Variants in PAM observed in about 807,000 individuals in gnomAD.
The protein encoded by PAM is peptidylglycine alpha-amidating monooxygenase, also known as peptidyl-glycine alpha-amidating monooxygenase.
Under a neutral mutation model 122.1 loss-of-function variants are expected in PAM, and 72 were observed. That is an observed-to-expected ratio of 0.59 (90% CI 0.49 to 0.72). The LOEUF (loss-of-function observed/expected upper bound fraction) is 0.72, where lower values mean the gene tolerates loss of function less well. Ranked by LOEUF, PAM falls within the 30% of genes least tolerant of loss-of-function variation. The pLI is 0.00. For synonymous variants in PAM, 389 were observed against 404.4 expected, an observed-to-expected ratio of 0.96 and a Z score of 0.46; for missense variants, 1,106 against 1,183.7, an observed-to-expected ratio of 0.93 and a Z score of 0.96.
At chr5:102,896,942 A>C (rs2151342942) in intron 3 of PAM, among the ~76,000 whole-genome samples, 1 of 151,782 alleles carries the variant, frequency 6.6e-6, no homozygotes, top group East Asian at 2.0e-4. Context: ...TGGAGAGTAC[A>C]AACACCACGG....
At chr5:102,846,211 C>A (rs1245414102) in intron 1 of PAM, among the ~76,000 whole-genome samples, 1 of 152,150 alleles carries the variant, frequency 6.6e-6, no homozygotes, top group Admixed American at 6.5e-5. Flanking sequence ...CTCCAGTTTG[C>A]CCCCAACTTC....
At chr5:102,937,843 A>G (rs867252328) in intron 7 of PAM, among the ~76,000 whole-genome samples, 4 of 152,172 alleles carry the variant, frequency 2.6e-5, no homozygotes, top group Non-Finnish European at 4.4e-5. Context: ...ACTGTTTTTA[A>G]AAGTCTTTTG....
intron 7 of PAM, among the ~76,000 whole-genome samples, chr5:102,941,215 A>G (rs1561967150): frequency 1.3e-5 from 2 of 152,216 alleles, no homozygotes. Flanking sequence ...CCTGCCTTCC[A>G]TTTGATCTCT....
intron 21 of PAM, 89 bp from the exon 22 acceptor site, chr5:103,017,245 G>A (rs550392684): frequency 2.3e-6 from 2 of 851,326 alleles, no homozygotes; most frequent in African/African-American, 1.7e-5. Context: ...TTGTTGTTTT[G>A]TTGTGGGCTT....
At chr5:102,788,313 C>T (rs1306596119) in intron 1 of PAM, among the ~76,000 whole-genome samples, 1 of 151,958 alleles carries the variant, frequency 6.6e-6, no homozygotes, top group African/African-American at 2.4e-5. Context: ...CATAATTCAC[C>T]AGCTTTGATG....
intron 15 of PAM, among the ~76,000 whole-genome samples, chr5:102,975,375 C>T (rs1241710903): frequency 2.0e-5 from 3 of 152,168 alleles, no homozygotes; most frequent in African/African-American, 7.2e-5. Context: ...AATTAGCATG[C>T]AGTGCCTTTT....
Position 102,774,042 on chromosome 5 carries a change from G to T in PAM, c.-374+18694G>T, listed in dbSNP as rs1046006433. Among the ~76,000 whole-genome samples, 19 of 152,008 alleles carry T rather than the reference G, an allele frequency of 1.2e-4. 1 individual carries two copies. Among genetic ancestry groups the T allele is most frequent in the Admixed American group, 1.1e-3 (17 of 15,246 alleles). ...CCACCCATGTTCCTACAAAAGACATGATCTCATTCTTTTTTGTGGCTACAT... is the reference window on the plus strand; with the variant it reads ...CCACCCATGTTCCTACAAAAGACATTATCTCATTCTTTTTTGTGGCTACAT... On this transcript the variant is annotated intron_variant, in intron 1 of 25. Coordinates refer to ENST00000438793, the MANE Select transcript of PAM (RefSeq NM_001177306.2).
intron 9 of PAM, 130 bp from the exon 10 acceptor site, chr5:102,949,407 C>T (rs999861381): frequency 1.5e-6 from 1 of 684,394 alleles, no homozygotes; most frequent in Non-Finnish European, 2.7e-6. Context: ...TGCTTAATAT[C>T]TGTGTATTTA....
intron 16 of PAM, among the ~76,000 whole-genome samples, chr5:102,991,742 A>G (rs962905197): frequency 2.6e-5 from 4 of 152,222 alleles, no homozygotes; most frequent in African/African-American, 4.8e-5. Flanking sequence ...ATCAAACTCA[A>G]CATTCTCATT....
At chr5:102,897,155 G>A (rs532070388) in intron 3 of PAM, among the ~76,000 whole-genome samples, 358 of 151,696 alleles carry the variant, frequency 2.4e-3, no homozygotes, top group South Asian at 9.8e-3. Flanking sequence ...AACTACCAAC[G>A]CTCTTGAAAT....
At chr5:102,934,072 C>T (rs955321187) in intron 7 of PAM, among the ~76,000 whole-genome samples, 1 of 151,996 alleles carries the variant, frequency 6.6e-6, no homozygotes, top group African/African-American at 2.4e-5. Flanking sequence ...ATACTATGGG[C>T]CAGGATATTT....
intron 7 of PAM, among the ~76,000 whole-genome samples, chr5:102,939,651 ATAC>A (rs1202828187): frequency 2.0e-5 from 3 of 152,224 alleles, no homozygotes; most frequent in East Asian, 1.9e-4. Context: ...TTTAATCCTC[ATAC>A]TACATTACTA....
intron 5 of PAM, among the ~76,000 whole-genome samples, chr5:102,914,474 C>A (rs1802515739): frequency 6.6e-6 from 1 of 151,926 alleles, no homozygotes; most frequent in South Asian, 2.1e-4. Context: ...CAGTATATGT[C>A]CAGGTGCAGA....
At chr5:102,913,350 A>G (rs1445638619) in intron 4 of PAM, among the ~76,000 whole-genome samples, 1 of 152,000 alleles carries the variant, frequency 6.6e-6, no homozygotes, top group Non-Finnish European at 1.5e-5. Flanking sequence ...CAAGTATACC[A>G]TGCTTATTGA....
intron 1 of PAM, among the ~76,000 whole-genome samples, chr5:102,863,817 G>T: frequency 6.7e-6 from 1 of 149,486 alleles, no homozygotes. Context: ...TTTGTATTTT[G>T]TCTTTAGCTT....
intron 4 of PAM, among the ~76,000 whole-genome samples, chr5:102,902,012 C>T (rs1311145440): frequency 6.6e-6 from 1 of 151,634 alleles, no homozygotes; most frequent in African/African-American, 2.4e-5. Flanking sequence ...TGACAAAGCA[C>T]CATCTGTTTC....
chr5:103,002,939 T>C, intron 16 of PAM, 94 bp from the exon 17 acceptor site: 2 of 691,086 alleles, frequency 2.9e-6, no homozygotes, highest in Non-Finnish European at 5.3e-6. Flanking sequence ...ACATTTGAGC[T>C]CTTTTGATTT....
At chr5:102,952,395 T>G (rs1439274813) in intron 12 of PAM, among the ~76,000 whole-genome samples, 1 of 152,138 alleles carries the variant, frequency 6.6e-6, no homozygotes, top group Non-Finnish European at 1.5e-5. Context: ...AAAATGTGCA[T>G]TTTGCTTTAA....
At chr5:102,931,277 A>C (rs1195153942) in intron 7 of PAM, among the ~76,000 whole-genome samples, 8 of 152,176 alleles carry the variant, frequency 5.3e-5, no homozygotes, top group Non-Finnish European at 1.2e-4. Flanking sequence ...TGCCAGTAGA[A>C]GTTTCCTAGT....
Sources: allele counts gnomAD v4.1 joint callset (sites outside exome capture counted in the v4.1 genomes callset), GRCh38; gene constraint gnomAD v4.1.1; transcripts MANE v1.5; gene names NCBI Gene and HGNC (gene_info 2026-07-23, HGNC 2026-07-21).